PCDH9: variants seen among roughly 807,000 people sequenced by gnomAD.
PCDH9 encodes protocadherin 9, also known as protocadherin-9.
A neutral mutation model predicts 70.6 loss-of-function variants in PCDH9; 24 were observed. The observed-to-expected ratio is 0.34, with a 90% CI of 0.25 to 0.48. The LOEUF (loss-of-function observed/expected upper bound fraction) is 0.48. Ranked by LOEUF, PCDH9 falls within the 20% of genes least tolerant of loss-of-function variation. The pLI is 0.99. For synonymous variants in PCDH9, 562 were observed against 558.5 expected, an observed-to-expected ratio of 1.01 and a Z score of -0.09; for missense variants, 1,281 against 1,503.6, an observed-to-expected ratio of 0.85 and a Z score of 2.45.
At chr13:67,173,474 C>G (rs2088355166) in intron 2 of PCDH9, among the ~76,000 whole-genome samples, 2 of 152,072 alleles carry the variant, frequency 1.3e-5, no homozygotes, top group Admixed American at 1.3e-4. Flanking sequence ...GAGACTTTGG[C>G]TCATCTGTCA....
intron 4 of PCDH9, among the ~76,000 whole-genome samples, chr13:66,529,451 CTT>C (rs1290803627): frequency 1.3e-5 from 2 of 152,010 alleles, no homozygotes; most frequent in Non-Finnish European, 2.9e-5. Flanking sequence ...TGTATGAAGT[CTT>C]TGAACAGCAA....
intron 4 of PCDH9, among the ~76,000 whole-genome samples, chr13:66,458,083 AATC>A (rs752159201): frequency 3.9e-4 from 60 of 152,034 alleles, no homozygotes; most frequent in Non-Finnish European, 7.2e-4. Context: ...CAGAGAGACA[AATC>A]ATGCTTTTTT....
rs1436889284 is a variant in PCDH9, at chr13:66,708,055, T to TTTTA, written c.3139-76645_3139-76644insTAAA. Among the ~76,000 whole-genome samples, 316 of 148,982 alleles carry TTTTA rather than the reference T, an allele frequency of 2.1e-3. 4 individuals carry two copies. Among genetic ancestry groups the TTTTA allele is most frequent in the South Asian group, 7.8e-3 (37 of 4,732 alleles). On this transcript the variant is annotated intron_variant, in intron 3 of 4. Transcript: ENST00000377865. ...CTTTTATTTTATTTTATTTTATTTT[T>TTTTA]TTTTTATTTTTTGAGACGGAGTCTC...
intron 3 of PCDH9, among the ~76,000 whole-genome samples, chr13:66,872,766 T>C (rs1268958788): frequency 6.6e-6 from 1 of 152,132 alleles, no homozygotes; most frequent in Non-Finnish European, 1.5e-5. Flanking sequence ...ATAGATGTGC[T>C]CAAATATATT....
intron 4 of PCDH9, among the ~76,000 whole-genome samples, chr13:66,332,824 A>G (rs958644806): frequency 6.7e-5 from 10 of 149,748 alleles, no homozygotes; most frequent in East Asian, 2.0e-4. Flanking sequence ...ATATATATGT[A>G]TATATATATA....
intron 4 of PCDH9, among the ~76,000 whole-genome samples, chr13:66,607,952 GT>G (rs1314023504): frequency 6.6e-6 from 1 of 151,996 alleles, no homozygotes; most frequent in Non-Finnish European, 1.5e-5. Context: ...GCAAAAAAAG[GT>G]TTTTCAAACA....
intron 4 of PCDH9, among the ~76,000 whole-genome samples, chr13:66,359,680 A>G (rs555615279): frequency 9.9e-5 from 15 of 152,092 alleles, no homozygotes; most frequent in Non-Finnish European, 1.9e-4. Context: ...TACAGTGAGG[A>G]CAAAGCAAAA....
At chr13:66,690,880 T>G (rs1286675505) in intron 3 of PCDH9, among the ~76,000 whole-genome samples, 1 of 152,220 alleles carries the variant, frequency 6.6e-6, no homozygotes, top group Admixed American at 6.5e-5. Context: ...GCAAGACCTC[T>G]GTCCTCAACC....
chr13:66,737,636 C>T (rs763869567), intron 3 of PCDH9, among the ~76,000 whole-genome samples: 26 of 152,166 alleles, frequency 1.7e-4, no homozygotes, highest in African/African-American at 2.4e-4. Context: ...CCAGTGGGTG[C>T]GCGCACCGTG....
chr13:66,657,877 C>T (rs1181675918), intron 3 of PCDH9, among the ~76,000 whole-genome samples: 1 of 152,152 alleles, frequency 6.6e-6, no homozygotes, highest in Non-Finnish European at 1.5e-5. Context: ...CCAATCGGCC[C>T]TCTGTGTTCC....
chr13:66,566,294 T>A (rs1404717472), intron 4 of PCDH9, among the ~76,000 whole-genome samples: 1 of 152,154 alleles, frequency 6.6e-6, no homozygotes, highest in African/African-American at 2.4e-5. Flanking sequence ...ACTCTGAGAC[T>A]CCTAGAAGCA....
At chr13:67,046,274 T>G (rs2085220508) in intron 2 of PCDH9, among the ~76,000 whole-genome samples, 1 of 152,158 alleles carries the variant, frequency 6.6e-6, no homozygotes, top group Non-Finnish European at 1.5e-5. Context: ...TTACACTCAG[T>G]TTTAAGTGAT....
At chr13:66,925,553 G>A (rs1404276667) in intron 2 of PCDH9, among the ~76,000 whole-genome samples, 1 of 151,848 alleles carries the variant, frequency 6.6e-6, no homozygotes, top group African/African-American at 2.4e-5. Context: ...GTTCAAGGCT[G>A]ACATATGTAG....
chr13:67,094,541 T>TA (rs376043978), intron 2 of PCDH9, among the ~76,000 whole-genome samples: 1 of 152,282 alleles, frequency 6.6e-6, no homozygotes, highest in African/African-American at 2.4e-5. Context: ...CAAATGTTGG[T>TA]AATAAGGTTA....
intron 3 of PCDH9, among the ~76,000 whole-genome samples, chr13:66,791,378 T>G (rs1366586530): frequency 6.6e-6 from 1 of 152,132 alleles, no homozygotes; most frequent in Non-Finnish European, 1.5e-5. Flanking sequence ...TATTATGCTA[T>G]GCTGGTAAAC....
chr13:66,991,403 T>A (rs908953910), intron 2 of PCDH9, among the ~76,000 whole-genome samples: 3 of 151,866 alleles, frequency 2.0e-5, no homozygotes, highest in Non-Finnish European at 1.5e-5. Flanking sequence ...ATTAACTGTC[T>A]CCTATATATG....
chr13:66,664,242 A>C (rs7987407), intron 3 of PCDH9, among the ~76,000 whole-genome samples: 86,406 of 151,512 alleles, frequency 0.57, 24,964 homozygotes, highest in African/African-American at 0.66. Context: ...TTACAGTCTA[A>C]ATAATTTTAT....
intron 3 of PCDH9, among the ~76,000 whole-genome samples, chr13:66,806,754 C>T (rs1250888889): frequency 1.3e-5 from 2 of 152,122 alleles, no homozygotes; most frequent in East Asian, 1.9e-4. Context: ...GTTAATGAGT[C>T]AAGGAAGTAC....
chr13:66,731,112 A>G (rs1350181875), intron 3 of PCDH9, among the ~76,000 whole-genome samples: 1 of 152,010 alleles, frequency 6.6e-6, no homozygotes, highest in East Asian at 1.9e-4. Context: ...CTGTAGATTT[A>G]GAAAAGAATC....
Sources: gnomAD v4.1 joint callset for allele counts (sites outside exome capture counted in the v4.1 genomes callset) on GRCh38, gnomAD v4.1.1 for gene constraint, MANE v1.5 for transcripts, NCBI Gene and HGNC (gene_info 2026-07-23, HGNC 2026-07-21) for gene names.